The following ARFGAP3 variants were observed in gnomAD, a reference collection of about 807,000 sequenced individuals.
ARFGAP3 encodes the protein ADP-ribosylation factor GTPase-activating protein 3.
A neutral mutation model predicts 75.0 loss-of-function variants in ARFGAP3; 72 were observed. The ratio of observed to expected loss-of-function variants is 0.96; its 90% CI spans 0.79 to 1.17. The LOEUF (loss-of-function observed/expected upper bound fraction) is 1.17, where lower values mean the gene tolerates loss of function less well. Among genes scored for constraint, ARFGAP3 ranks in the 50% most tolerant of loss-of-function variants. The pLI is 0.00. For synonymous variants in ARFGAP3, 221 were observed against 217.9 expected (o/e 1.01, Z -0.13); for missense variants, 620 against 626.6 (o/e 0.99, Z 0.11).
intron 3 of ARFGAP3, among the ~76,000 whole-genome samples, chr22:42,837,270 T>A (rs1051967839): frequency 1.3e-5 from 2 of 152,090 alleles, no homozygotes; most frequent in African/African-American, 4.8e-5. Flanking sequence ...GAGACCAACC[T>A]GGGAACCAAA....
chr22:42,821,562 T>A lies in ARFGAP3; in HGVS notation c.812+708A>T, dbSNP rs1002094351. Reference sequence around the variant, plus strand: ...GTTGTGGCCAATATCAGGACTACATTCCTTTTTGTGGCTGAGTAATAGTCC... The same window carrying A: ...GTTGTGGCCAATATCAGGACTACATACCTTTTTGTGGCTGAGTAATAGTCC... On this transcript the variant is annotated intron_variant, in intron 9 of 15. Coordinates refer to ENST00000263245, the MANE Select transcript of ARFGAP3 (RefSeq NM_014570.5). Among the ~76,000 whole-genome samples, 8 of 152,248 alleles carry A rather than the reference T, an allele frequency of 5.3e-5. 1 individual carries two copies. In the East Asian group the frequency reaches 1.5e-3, roughly 29 times the overall value.
chr22:42,806,870 G>T (rs1405900685), intron 14 of ARFGAP3, among the ~76,000 whole-genome samples: 1 of 152,212 alleles, frequency 6.6e-6, no homozygotes, highest in Non-Finnish European at 1.5e-5. Context: ...GGCAATGATG[G>T]GATGTTGCTT....
intron 9 of ARFGAP3, among the ~76,000 whole-genome samples, chr22:42,821,692 G>C (rs1323743333): frequency 6.6e-6 from 1 of 152,170 alleles, no homozygotes; most frequent in Non-Finnish European, 1.5e-5. Context: ...GAACATTCAT[G>C]CACGAGTTTG....
intron 11 of ARFGAP3, 79 bp downstream of exon 11, chr22:42,817,063 T>C: frequency 2.0e-6 from 2 of 1,007,290 alleles, no homozygotes; most frequent in Non-Finnish European, 3.1e-6. Flanking sequence ...TAATTTCTCC[T>C]AATGCAAATA....
At chr22:42,813,018 A>G (rs1925435513) in intron 11 of ARFGAP3, among the ~76,000 whole-genome samples, 1 of 152,254 alleles carries the variant, frequency 6.6e-6, no homozygotes, top group South Asian at 2.1e-4. Context: ...AAGGTTCAAA[A>G]GATGTGGGAT....
In ARFGAP3 at chr22:42,832,176, A is replaced by C. The variant is rs1040103766; in HGVS notation, c.478-540T>G. Among the ~76,000 whole-genome samples the C allele has an allele frequency of 1.0e-4, 15 of 144,372 alleles. No individual in the cohort carries two copies. The East Asian group carries it at 2.1e-3, about 20-fold the overall frequency. 94.7% of individuals were successfully genotyped at this position (144,372 alleles called of 152,430 possible). On this transcript the variant is annotated intron_variant, in intron 5 of 15. Transcript: ENST00000263245. ...AATTATAATAGCAAAAAAAAAAAAA[A>C]AACCCAAAAAACAAGCTTTAACAAC...
At chr22:42,820,886 T>C (rs957801678) in intron 9 of ARFGAP3, among the ~76,000 whole-genome samples, 2 of 152,106 alleles carry the variant, frequency 1.3e-5, no homozygotes, top group Non-Finnish European at 1.5e-5. Context: ...GCTTCCAGTC[T>C]CCTCCCCTCT....
At chr22:42,832,162 CAAAA>C (rs78600056) in intron 5 of ARFGAP3, among the ~76,000 whole-genome samples, 3 of 76,004 alleles carry the variant, frequency 3.9e-5, no homozygotes, top group Non-Finnish European at 6.1e-5. Context: ...ATTATAATAG[CAAAA>C]AAAAAAAAAA....
At chr22:42,846,572 G>C (rs1004913870) in intron 2 of ARFGAP3, among the ~76,000 whole-genome samples, 5 of 152,166 alleles carry the variant, frequency 3.3e-5, no homozygotes, top group East Asian at 1.9e-4. Context: ...CAAGTCTTCA[G>C]ATAAAAGGAG....
intron 1 of ARFGAP3, 118 bp downstream of exon 1, chr22:42,856,996 G>A: frequency 2.8e-6 from 3 of 1,077,984 alleles, no homozygotes; most frequent in South Asian, 2.4e-5. Flanking sequence ...CCCACAGTGC[G>A]ACGTGTCACA....
intron 2 of ARFGAP3, 89 bp from the exon 3 acceptor site, chr22:42,841,105 T>A: frequency 6.6e-7 from 1 of 1,513,586 alleles, no homozygotes; most frequent in East Asian, 2.4e-5. Flanking sequence ...TTCCTTAGGC[T>A]TTAGGATCCT....
At chr22:42,854,792 C>T (rs556018959) in intron 1 of ARFGAP3, among the ~76,000 whole-genome samples, 1 of 152,204 alleles carries the variant, frequency 6.6e-6, no homozygotes, top group East Asian at 1.9e-4. Context: ...TTAGAGCTGT[C>T]TTTTATGACC....
chr22:42,847,146 C>A (rs111996469), intron 2 of ARFGAP3: 2 of 197,308 alleles, frequency 1.0e-5, no homozygotes, highest in Non-Finnish European at 2.1e-5. Context: ...TATGGCAACA[C>A]TGAAAATCAC....
chr22:42,848,912 A>G (rs536312926), intron 1 of ARFGAP3, among the ~76,000 whole-genome samples: 10 of 152,304 alleles, frequency 6.6e-5, no homozygotes, highest in Middle Eastern at 3.4e-3. Context: ...TACAAATGAC[A>G]CTATGGCCTT....
chr22:42,855,910 C>G (rs1007899906), intron 1 of ARFGAP3, among the ~76,000 whole-genome samples: 3 of 151,972 alleles, frequency 2.0e-5, no homozygotes, highest in Non-Finnish European at 4.4e-5. Flanking sequence ...CGTGGTGGTA[C>G]AGCCCTGTGG....
chr22:42,826,553 T>A (rs1421251726), intron 7 of ARFGAP3, among the ~76,000 whole-genome samples: 2 of 148,368 alleles, frequency 1.3e-5, no homozygotes, highest in African/African-American at 4.9e-5. Context: ...GTAATTTTTG[T>A]TGTTGTTGTT....
At chr22:42,803,664 C>T (rs1924979058) in intron 14 of ARFGAP3, among the ~76,000 whole-genome samples, 1 of 152,160 alleles carries the variant, frequency 6.6e-6, no homozygotes, top group Non-Finnish European at 1.5e-5. Context: ...TGGGTGTGAC[C>T]ACAGGGACTG....
chr22:42,804,376 A>ATTTTTTTTT (rs1169858932), intron 14 of ARFGAP3, among the ~76,000 whole-genome samples: 2 of 74,478 alleles, frequency 2.7e-5, no homozygotes, highest in African/African-American at 6.0e-5. Flanking sequence ...CACCCAGCTA[A>ATTTTTTTTT]TTTTTTTTTT....
intron 9 of ARFGAP3, among the ~76,000 whole-genome samples, chr22:42,818,232 G>C (rs1260529688): frequency 2.7e-5 from 4 of 147,966 alleles, no homozygotes; most frequent in Admixed American, 6.9e-5. Flanking sequence ...CAAAGCATGA[G>C]GTTAGTCTCA....
Sources: gnomAD v4.1 joint callset for allele counts (sites outside exome capture counted in the v4.1 genomes callset) on GRCh38, gnomAD v4.1.1 for gene constraint, MANE v1.5 for transcripts, NCBI Gene and HGNC (gene_info 2026-07-23, HGNC 2026-07-21) for gene names.